Variants in UVRAG observed in about 807,000 individuals in gnomAD.
The protein encoded by UVRAG is UV radiation resistance associated.
UVRAG carries 19 observed loss-of-function variants against 78.0 expected under a neutral mutation model. That is an observed-to-expected ratio of 0.24 (90% CI 0.17 to 0.36). The LOEUF (loss-of-function observed/expected upper bound fraction) is 0.36, where lower values mean the gene tolerates loss of function less well. Among genes scored for constraint, UVRAG ranks in the 10% least tolerant of loss-of-function variants. The pLI is 1.00. For missense variants in UVRAG, 740 were observed against 853.8 expected (o/e 0.87, Z 1.66); for synonymous variants, 323 against 324.6 (o/e 1.00, Z 0.05).
At chr11:75,901,149 A>T (rs2134986705) in intron 5 of UVRAG, among the ~76,000 whole-genome samples, 1 of 152,352 alleles carries the variant, frequency 6.6e-6, no homozygotes, top group East Asian at 1.9e-4. Context: ...ATATACACCT[A>T]GGAACACAGG....
At chr11:75,986,636 A>G (rs1258071963) in intron 8 of UVRAG, among the ~76,000 whole-genome samples, 3 of 152,194 alleles carry the variant, frequency 2.0e-5, no homozygotes, top group African/African-American at 7.2e-5. Context: ...TTCCCATACC[A>G]TATAATTTTG....
chr11:75,946,729 A>T (rs1948595581), intron 6 of UVRAG, among the ~76,000 whole-genome samples: 1 of 152,122 alleles, frequency 6.6e-6, no homozygotes, highest in South Asian at 2.1e-4. Context: ...GGCCACCTGC[A>T]GTTTCTTGCC....
At chr11:75,986,266 A>G (rs1949499594) in intron 8 of UVRAG, among the ~76,000 whole-genome samples, 1 of 152,132 alleles carries the variant, frequency 6.6e-6, no homozygotes, top group Non-Finnish European at 1.5e-5. Context: ...GGTCTTTCCC[A>G]TGATTCATTG....
At chr11:76,072,244 G>T (rs958846266) in intron 13 of UVRAG, among the ~76,000 whole-genome samples, 4 of 152,138 alleles carry the variant, frequency 2.6e-5, no homozygotes, top group African/African-American at 9.7e-5. Context: ...TGAAGAGAGA[G>T]TAGTAATTTG....
intron 6 of UVRAG, among the ~76,000 whole-genome samples, chr11:75,953,478 C>G (rs536443737): frequency 1.6e-4 from 25 of 152,162 alleles, no homozygotes; most frequent in Non-Finnish European, 3.1e-4. Context: ...TTTCTTCTCC[C>G]TTTTTATCTC....
intron 8 of UVRAG, among the ~76,000 whole-genome samples, chr11:75,997,369 G>A (rs2135315326): frequency 1.3e-5 from 2 of 152,336 alleles, no homozygotes; most frequent in Middle Eastern, 3.4e-3. Flanking sequence ...ATAGTCTTTA[G>A]CTATTATATT....
intron 7 of UVRAG, among the ~76,000 whole-genome samples, chr11:75,964,199 G>T (rs1284593252): frequency 2.0e-5 from 3 of 152,170 alleles, no homozygotes; most frequent in Non-Finnish European, 2.9e-5. Context: ...ATATTGGTCT[G>T]TAGTTTGTTT....
intron 4 of UVRAG, among the ~76,000 whole-genome samples, chr11:75,880,587 T>C (rs1946916869): frequency 6.6e-6 from 1 of 152,128 alleles, no homozygotes; most frequent in Admixed American, 6.5e-5. Flanking sequence ...AGTTTCACTC[T>C]TGTTGCCCAG....
At chr11:75,820,256 G>A (rs981196221) in intron 1 of UVRAG, among the ~76,000 whole-genome samples, 1 of 152,088 alleles carries the variant, frequency 6.6e-6, no homozygotes, top group African/African-American at 2.4e-5. Context: ...GGGATTATAG[G>A]CATAAGCCAC....
intron 13 of UVRAG, among the ~76,000 whole-genome samples, chr11:76,071,331 G>A (rs1236822248): frequency 1.3e-5 from 2 of 152,162 alleles, no homozygotes; most frequent in Admixed American, 6.5e-5. Flanking sequence ...CATGGGAATA[G>A]CAAGGGCAAA....
chr11:76,065,850 CA>C, intron 13 of UVRAG, 62 bp downstream of exon 13: 1 of 1,518,332 alleles, frequency 6.6e-7, no homozygotes, highest in Non-Finnish European at 9.1e-7. Flanking sequence ...CTTAGATTGC[CA>C]GCCTTTTTTC....
At chr11:75,921,294 G>A (rs1224688132) in intron 6 of UVRAG, among the ~76,000 whole-genome samples, 1 of 152,076 alleles carries the variant, frequency 6.6e-6, no homozygotes, top group African/African-American at 2.4e-5. Flanking sequence ...TTCAATTTTT[G>A]TCAGCCTGGT....
chr11:75,830,742 C>T (rs73489942), intron 1 of UVRAG, among the ~76,000 whole-genome samples: 7,721 of 152,204 alleles, frequency 0.051, 675 homozygotes, highest in African/African-American at 0.18. Flanking sequence ...CTCTGTGTGC[C>T]TCCATTTCCT....
chr11:76,097,623 TA>T (rs1400087606), intron 13 of UVRAG, among the ~76,000 whole-genome samples: 1 of 152,182 alleles, frequency 6.6e-6, no homozygotes, highest in Non-Finnish European at 1.5e-5. Flanking sequence ...CTTTCTATTA[TA>T]TTATGGAACT....
At chr11:75,927,136 C>G (rs954231456) in intron 6 of UVRAG, among the ~76,000 whole-genome samples, 1 of 150,180 alleles carries the variant, frequency 6.7e-6, no homozygotes, top group Non-Finnish European at 1.5e-5. Context: ...GTGGCGCAAT[C>G]TCGGGTCACT....
At chr11:76,019,445 A>G (rs1473453025) in intron 12 of UVRAG, among the ~76,000 whole-genome samples, 2 of 152,204 alleles carry the variant, frequency 1.3e-5, no homozygotes, top group Non-Finnish European at 2.9e-5. Flanking sequence ...GGTATTTACT[A>G]TAGTCTCCAC....
chr11:76,024,040 C>T (rs1182466775), intron 12 of UVRAG, among the ~76,000 whole-genome samples: 1 of 152,198 alleles, frequency 6.6e-6, no homozygotes, highest in Non-Finnish European at 1.5e-5. Flanking sequence ...TTGTAGTTCT[C>T]TGGAGACTGG....
intron 3 of UVRAG, among the ~76,000 whole-genome samples, chr11:75,871,218 TCTTCTGA>T (rs1405985111): frequency 6.6e-6 from 1 of 151,642 alleles, no homozygotes. Flanking sequence ...AGAGAACCTC[TCTTCTGA>T]CTTCTAACAC....
At chr11:76,006,752 T>C (rs1949951938) in intron 9 of UVRAG, among the ~76,000 whole-genome samples, 1 of 151,132 alleles carries the variant, frequency 6.6e-6, no homozygotes, top group Admixed American at 6.6e-5. Flanking sequence ...TTTCTTACAG[T>C]CCAACATATT....
Sources: allele counts gnomAD v4.1 joint callset (sites outside exome capture counted in the v4.1 genomes callset), GRCh38; gene constraint gnomAD v4.1.1; transcripts MANE v1.5; gene names NCBI Gene and HGNC (gene_info 2026-07-23, HGNC 2026-07-21).